Variants in KIAA1217 observed in about 807,000 individuals in gnomAD.
KIAA1217 encodes the protein sickle tail protein homolog.
In KIAA1217, 88 loss-of-function variants were observed where a neutral mutation model predicts 163.9. The ratio of observed to expected loss-of-function variants is 0.54; its 90% confidence interval spans 0.45 to 0.64. The LOEUF is 0.64. KIAA1217 is among the 30% of genes least tolerant of loss of function. The probability of loss-of-function intolerance (pLI) is 0.00; values close to 1 mark genes in which losing one functional copy is unlikely to be tolerated. For synonymous variants in KIAA1217, 903 were observed against 923.1 expected (o/e 0.98, Z 0.39); for missense variants, 2,372 against 2,475.0 (o/e 0.96, Z 0.88).
In KIAA1217 at chr10:23,869,124, G is replaced by GTTTTTTTTTTTTTTTT. The variant is rs58288361; in HGVS notation, c.-320-138086_-320-138071dup. ...GTGTAACGTGCAATCATGAAATGTA[G>GTTTTTTTTTTTTTTTT]TTTTTTTTTTTTTTTTTTTTTTTTT... On this transcript the variant is annotated intron_variant, in intron 1 of 18. Coordinates refer to the KIAA1217 transcript ENST00000376462. Among the ~76,000 whole-genome samples, 19 of 31,724 alleles carry GTTTTTTTTTTTTTTTT rather than the reference G, an allele frequency of 6.0e-4. 7 individuals carry two copies. The highest frequency in any genetic ancestry group is 2.1e-3 in the African/African-American group (17 of 8,288). 20.8% of individuals were successfully genotyped at this position (31,724 alleles called of 152,430 possible).
At chr10:24,405,252 G>A (rs1283317443) in intron 3 of KIAA1217, among the ~76,000 whole-genome samples, 2 of 152,062 alleles carry the variant, frequency 1.3e-5, no homozygotes, top group Non-Finnish European at 2.9e-5. Flanking sequence ...GGCAAAGAGT[G>A]CCTGCGACCT....
intron 5 of KIAA1217, among the ~76,000 whole-genome samples, chr10:24,469,420 G>A (rs1012911926): frequency 1.3e-5 from 2 of 151,564 alleles, no homozygotes; most frequent in Non-Finnish European, 2.9e-5. Flanking sequence ...CCACTGCACC[G>A]AGACCCTAGA....
At chr10:23,936,972 G>A (rs554286003) in intron 1 of KIAA1217, among the ~76,000 whole-genome samples, 6 of 152,044 alleles carry the variant, frequency 3.9e-5, no homozygotes, top group African/African-American at 1.2e-4. Flanking sequence ...TCCACCTCCC[G>A]GGTTCAAGTG....
chr10:23,902,473 C>A (rs1841996952), intron 1 of KIAA1217, among the ~76,000 whole-genome samples: 1 of 152,070 alleles, frequency 6.6e-6, no homozygotes, highest in African/African-American at 2.4e-5. Context: ...AGTATCTCAC[C>A]TTCCTGGGGG....
chr10:23,899,148 C>T (rs1033748578), intron 1 of KIAA1217, among the ~76,000 whole-genome samples: 3 of 152,148 alleles, frequency 2.0e-5, no homozygotes, highest in East Asian at 1.9e-4. Flanking sequence ...TTCATGTCAT[C>T]GTATTCATAT....
chr10:23,893,133 G>A (rs529038031), intron 1 of KIAA1217, among the ~76,000 whole-genome samples: 1 of 152,092 alleles, frequency 6.6e-6, no homozygotes, highest in African/African-American at 2.4e-5. Context: ...GACTCTATTT[G>A]GTTGGTAAGC....
chr10:24,136,950 T>G (rs1413727595), intron 2 of KIAA1217, among the ~76,000 whole-genome samples: 2 of 152,200 alleles, frequency 1.3e-5, no homozygotes, highest in African/African-American at 4.8e-5. Flanking sequence ...AGAAGATTTT[T>G]GTTTAATATA....
chr10:23,941,454 C>T (rs561655379), intron 1 of KIAA1217, among the ~76,000 whole-genome samples: 1 of 152,308 alleles, frequency 6.6e-6, no homozygotes, highest in African/African-American at 2.4e-5. Flanking sequence ...AATGGGACCA[C>T]ATTGAATCGG....
chr10:24,229,467 A>G (rs1353905353), intron 2 of KIAA1217, among the ~76,000 whole-genome samples: 3 of 152,204 alleles, frequency 2.0e-5, no homozygotes, highest in Non-Finnish European at 4.4e-5. Flanking sequence ...TGTGTGAACT[A>G]ATGACTGAAT....
chr10:24,281,398 A>G lies in KIAA1217; in HGVS notation c.354+61489A>G, dbSNP rs527410160. ...ATCAATTAGGGTACAGTGTGTTTGG[A>G]CAGTTTCTTTTGTCTTTTGTCTTAC... On this transcript the variant is annotated intron_variant, in intron 2 of 20. Coordinates refer to ENST00000376454, the MANE Select transcript of KIAA1217 (RefSeq NM_019590.5). Among the ~76,000 whole-genome samples, 25 of 152,286 alleles carry G rather than the reference A, an allele frequency of 1.6e-4. No individual in the cohort carries two copies. In the South Asian group the frequency reaches 5.0e-3, roughly 30 times the overall value.
intron 1 of KIAA1217, among the ~76,000 whole-genome samples, chr10:23,971,051 C>A (rs1845293805): frequency 6.6e-6 from 1 of 152,182 alleles, no homozygotes; most frequent in Non-Finnish European, 1.5e-5. Context: ...AATGATTTGA[C>A]CTTTGACTTA....
chr10:24,210,291 C>T (rs540060577), intron 1 of KIAA1217, among the ~76,000 whole-genome samples: 3 of 152,194 alleles, frequency 2.0e-5, no homozygotes, highest in Admixed American at 1.3e-4. Context: ...AGATAGAAAT[C>T]CCCCAGTGAA....
At chr10:23,951,546 G>T (rs940266663) in intron 1 of KIAA1217, among the ~76,000 whole-genome samples, 5 of 152,074 alleles carry the variant, frequency 3.3e-5, no homozygotes, top group African/African-American at 1.2e-4. Flanking sequence ...CCAGCTATGT[G>T]GGAGGCTGAA....
At chr10:23,966,458 A>G (rs1484541027) in intron 1 of KIAA1217, among the ~76,000 whole-genome samples, 2 of 152,190 alleles carry the variant, frequency 1.3e-5, no homozygotes, top group African/African-American at 2.4e-5. Flanking sequence ...TGCCGCCAGT[A>G]TGACACACGT....
intron 1 of KIAA1217, among the ~76,000 whole-genome samples, chr10:23,841,578 C>CTT (rs60011792): frequency 6.7e-6 from 1 of 148,678 alleles, no homozygotes; most frequent in African/African-American, 2.5e-5. Flanking sequence ...CCTATTAATT[C>CTT]TTTTTTTTTT....
At chr10:24,211,188 G>A (rs963410243) in intron 1 of KIAA1217, among the ~76,000 whole-genome samples, 4 of 151,946 alleles carry the variant, frequency 2.6e-5, no homozygotes, top group Non-Finnish European at 5.9e-5. Context: ...AGACAGGAGA[G>A]GTAACAGCAG....
At chr10:24,291,432 A>C (rs1447514712) in intron 2 of KIAA1217, among the ~76,000 whole-genome samples, 1 of 152,204 alleles carries the variant, frequency 6.6e-6, no homozygotes, top group Non-Finnish European at 1.5e-5. Context: ...AGGGTGGCTG[A>C]AGCAAGAGAA....
At chr10:23,796,304 AGAT>A (rs1836198860) in intron 1 of KIAA1217, among the ~76,000 whole-genome samples, 2 of 152,106 alleles carry the variant, frequency 1.3e-5, no homozygotes, top group Admixed American at 6.5e-5. Flanking sequence ...TGTAAAGTGG[AGAT>A]GATAACATAA....
intron 3 of KIAA1217, among the ~76,000 whole-genome samples, chr10:24,430,368 G>A (rs1311063284): frequency 1.3e-5 from 2 of 152,164 alleles, no homozygotes; most frequent in East Asian, 3.9e-4. Context: ...GCTGGGTGGG[G>A]TGGGAAGAGA....
Sources: allele counts gnomAD v4.1 joint callset (sites outside exome capture counted in the v4.1 genomes callset), GRCh38; gene constraint gnomAD v4.1.1; transcripts MANE v1.5; gene names NCBI Gene and HGNC (gene_info 2026-07-23, HGNC 2026-07-21).